Variants in RYR3 observed in about 807,000 individuals in gnomAD.
RYR3 encodes the protein brain ryanodine receptor-calcium release channel.
A neutral mutation model predicts 584.3 loss-of-function variants in RYR3; 207 were observed. The ratio of observed to expected loss-of-function variants is 0.35; its 90% CI spans 0.32 to 0.40. The LOEUF (loss-of-function observed/expected upper bound fraction) is 0.40, where lower values mean the gene tolerates loss of function less well. Ranked by LOEUF, RYR3 falls within the 10% of genes least tolerant of loss-of-function variation. RYR3 has a pLI of 1.00. For synonymous variants in RYR3, 2,416 were observed against 2,248.5 expected (o/e 1.07, Z -2.11); for missense variants, 5,616 against 6,089.2 (o/e 0.92, Z 2.59).
At chr15:33,426,667 TAC>T (rs1312166373) in intron 1 of RYR3, among the ~76,000 whole-genome samples, 1 of 152,244 alleles carries the variant, frequency 6.6e-6, no homozygotes, top group African/African-American at 2.4e-5. Flanking sequence ...TTAAGTATAT[TAC>T]CAGCTGATTA....
At chr15:33,587,172 T>C (rs539730041) in intron 16 of RYR3, among the ~76,000 whole-genome samples, 1 of 152,208 alleles carries the variant, frequency 6.6e-6, no homozygotes, top group Non-Finnish European at 1.5e-5. Flanking sequence ...AAGAAATACA[T>C]GGGATCTGAA....
chr15:33,353,770 G>A (rs1973590471), intron 1 of RYR3, among the ~76,000 whole-genome samples: 1 of 152,016 alleles, frequency 6.6e-6, no homozygotes, highest in South Asian at 2.1e-4. Flanking sequence ...CAGTCTAATG[G>A]TGATTTTTTT....
rs1252867505 is a variant in RYR3 at position 33,390,487 on chromosome 15, T to C, written c.51+79391T>C. ...TTCTCTTTATCTGTTGATCTTATGA[T>C]GCTGAAAATAGGGGAAAGTTCGACG... On this transcript the variant is annotated intron_variant, in intron 1 of 103. Transcript: ENST00000634891. This position sits in a 1 kb window ranked among gnomAD's most constrained non-coding sequence, Gnocchi z 4.2. 6.6e-6 allele frequency among the ~76,000 whole-genome samples: 1 copy of C among 152,234 alleles called. No homozygotes were observed. Among genetic ancestry groups the C allele is most frequent in the African/African-American group, 2.4e-5 (1 of 41,468 alleles).
At chr15:33,353,845 C>T (rs1330644485) in intron 1 of RYR3, among the ~76,000 whole-genome samples, 1 of 152,008 alleles carries the variant, frequency 6.6e-6, no homozygotes, top group East Asian at 1.9e-4. Context: ...CACATCCCAT[C>T]CTTTGTAACA....
At chr15:33,756,598 C>G (rs1203914417) in intron 59 of RYR3, among the ~76,000 whole-genome samples, 1 of 152,148 alleles carries the variant, frequency 6.6e-6, no homozygotes, top group Non-Finnish European at 1.5e-5. Flanking sequence ...TTCTTCCTCT[C>G]TTGCTACTCC....
At chr15:33,646,582 G>C (rs966334501) in intron 29 of RYR3, 56 bp downstream of exon 29, 2 of 1,483,706 alleles carry the variant, frequency 1.3e-6, no homozygotes, top group African/African-American at 1.4e-5. Context: ...TGTAAAGTGG[G>C]CTTTCTGCTT....
chr15:33,603,079 CT>C, intron 17 of RYR3, 43 bp from the exon 18 acceptor site: 4 of 1,606,180 alleles, frequency 2.5e-6, no homozygotes, highest in Non-Finnish European at 3.4e-6. Flanking sequence ...GCTTTCTCAG[CT>C]TTTAAGGGTG....
At chr15:33,627,173 G>A (rs2061034114) in intron 20 of RYR3, among the ~76,000 whole-genome samples, 1 of 152,200 alleles carries the variant, frequency 6.6e-6, no homozygotes, top group Non-Finnish European at 1.5e-5. Context: ...AGGCAAAAGT[G>A]TGGGTCCCGT....
chr15:33,698,029 G>T, intron 40 of RYR3, 33 bp downstream of exon 40: 1 of 1,465,566 alleles, frequency 6.8e-7, no homozygotes, highest in Non-Finnish European at 9.6e-7. Context: ...GCCAGAACTT[G>T]TCCCTTGAGG....
intron 15 of RYR3, 82 bp from the exon 16 acceptor site, chr15:33,585,916 T>C: frequency 1.3e-6 from 1 of 778,428 alleles, no homozygotes; most frequent in South Asian, 1.5e-5. Context: ...CAGGAAGGAC[T>C]GTTCATACTC....
chr15:33,545,566 A>C (rs1265750314), intron 8 of RYR3, among the ~76,000 whole-genome samples: 4 of 152,186 alleles, frequency 2.6e-5, no homozygotes, highest in African/African-American at 9.6e-5. Context: ...AGACTGGGGT[A>C]AGTGAGCAGC....
At chr15:33,548,086 T>C in intron 8 of RYR3, 44 bp from the exon 9 acceptor site, 2 of 1,416,950 alleles carry the variant, frequency 1.4e-6, no homozygotes, top group South Asian at 1.2e-5. Context: ...CGGGTGCTGA[T>C]CAGTGTCATG....
Position 33,697,886 on chromosome 15 carries a change from A to G in RYR3, c.6139A>G (p.Ile2047Val), listed in dbSNP as rs368930817. The stretch of plus-strand genomic sequence containing the variant: ...TCTCTCTGATCCTTATCCTAGAGAC[A>G]TAATGAACAACAAGGTGTTTTACCA... ...ELLMINGLGD[I>V]MNNKVFYQHP... Residue 2047 changes from isoleucine (I) to valine (V), a missense_variant, in exon 40 of 104, where the codon ATA becomes GTA. Physicochemically the swap from Ile to Val is conservative, Grantham distance 29. Coordinates refer to ENST00000634891, the MANE Select transcript of RYR3 (RefSeq NM_001036.6). 2.7e-5 allele frequency: 44 copies of G among 1,602,042 alleles called. No individual in the cohort carries two copies. Among genetic ancestry groups the G allele is most frequent in the East Asian group, 6.7e-5 (3 of 44,846 alleles).
intron 16 of RYR3, among the ~76,000 whole-genome samples, chr15:33,597,396 T>G (rs530668491): frequency 6.6e-6 from 1 of 152,122 alleles, no homozygotes; most frequent in South Asian, 2.1e-4. Context: ...GTGGGCAGAT[T>G]ACGAGGTCAG....
chr15:33,428,347 G>A (rs756706759), intron 1 of RYR3, among the ~76,000 whole-genome samples: 25 of 152,204 alleles, frequency 1.6e-4, no homozygotes, highest in Non-Finnish European at 3.2e-4. Context: ...TCTGCTCAAA[G>A]AAAGGTTTTG....
At chr15:33,664,614 T>TATATATATATATATATATATATATATAC (rs1491296584) in intron 36 of RYR3, among the ~76,000 whole-genome samples, 104 of 120,354 alleles carry the variant, frequency 8.6e-4, no homozygotes, top group Non-Finnish European at 1.2e-3. Context: ...TATATATATA[T>TATATATATATATATATATATATATATAC]ACGTATGTAT....
intron 1 of RYR3, among the ~76,000 whole-genome samples, chr15:33,435,428 T>G (rs1237837519): frequency 6.6e-6 from 1 of 152,230 alleles, no homozygotes; most frequent in Admixed American, 6.5e-5. Context: ...TATGCTTTTT[T>G]CCAGTCAGTG....
intron 12 of RYR3, among the ~76,000 whole-genome samples, chr15:33,574,687 T>A (rs1468689152): frequency 1.3e-5 from 2 of 152,198 alleles, no homozygotes; most frequent in East Asian, 3.8e-4. Context: ...TGGGCCCCGA[T>A]GAAAATCTTC....
rs115044008 is a variant in RYR3, at chr15:33,833,740, G to A, written c.11464-1228G>A. ...CAGAAAGAATCTAATGGTTTCTAGG[G>A]ATCAGACACTGAATGTACATAAACA... On this transcript the variant is annotated intron_variant, in intron 86 of 103. Coordinates refer to ENST00000634891, the MANE Select transcript of RYR3 (RefSeq NM_001036.6). 4.5e-3 allele frequency among the ~76,000 whole-genome samples: 679 copies of A among 152,298 alleles called. 3 individuals are homozygous for A. Among genetic ancestry groups the A allele is most frequent in the African/African-American group, 0.016 (645 of 41,568 alleles).
Sources: allele counts gnomAD v4.1 joint callset (sites outside exome capture counted in the v4.1 genomes callset), GRCh38; gene constraint gnomAD v4.1.1; non-coding constraint Gnocchi (gnomAD v3.1); transcripts MANE v1.5; gene names NCBI Gene and HGNC (gene_info 2026-07-23, HGNC 2026-07-21).